ODF4: variants seen among roughly 807,000 people sequenced by gnomAD.
ODF4 encodes the protein outer dense fiber of sperm tails 4, also known as outer dense fiber protein 4.
Under a neutral mutation model 17.0 loss-of-function variants are expected in ODF4, and 11 were observed. The ratio of observed to expected loss-of-function variants is 0.65; its 90% CI spans 0.41 to 1.07. ODF4 has a LOEUF of 1.07. Ranked by LOEUF, ODF4 falls within the 50% of genes least tolerant of loss-of-function variation. The pLI, the probability that ODF4 is intolerant of heterozygous loss-of-function variation, is 0.00. For missense variants in ODF4, 281 were observed against 310.2 expected, an observed-to-expected ratio of 0.91 and a Z score of 0.71; for synonymous variants, 127 against 121.8, an observed-to-expected ratio of 1.04 and a Z score of -0.28.
chr17:8,340,500 G>C lies in ODF4; in HGVS notation c.449G>C (p.Gly150Ala). 1 of 1,604,172 alleles carries C rather than the reference G, an allele frequency of 6.2e-7. No individual in the cohort carries two copies. The highest frequency in any genetic ancestry group is 2.2e-5 in the East Asian group (1 of 44,848). ...KSRSCSDLEN[G>A]KVTFIFSTLM... ...AGGAGCTGTTCTGACTTAGAGAATG[G>C]GAAAGGTGAGCCCCTCCACCCCCCA... Residue 150 changes from glycine to alanine, a missense_variant, in exon 1 of 3, where the codon GGG becomes GCG. Transcript: ENST00000328248.
Position 8,345,056 on chromosome 17 carries a change from C to T in ODF4, c.455-287C>T. On this transcript the variant is annotated intron_variant, in intron 1 of 2. Transcript: ENST00000328248. The surrounding 1 kb of genome is among the most constrained non-coding windows in gnomAD (Gnocchi z 4.1). Reference sequence around the variant, plus strand: ...GCTTCTGTGAAGGTGCCTCCTAGCTCTGGAAAGGTCCTTTGTTTTCCTAAC... The same window carrying T: ...GCTTCTGTGAAGGTGCCTCCTAGCTTTGGAAAGGTCCTTTGTTTTCCTAAC... 1 of 1,085,146 alleles carries T rather than the reference C, an allele frequency of 9.2e-7. No homozygotes were observed. Among genetic ancestry groups the T allele is most frequent in the Non-Finnish European group, 1.2e-6 (1 of 868,070 alleles). The allele number at this position is 1,085,146 out of a possible 1,614,324, so 67.2% of individuals were successfully genotyped here.
At position 8,343,850 on chromosome 17, in the gene ODF4, C is replaced by CTA. The variant is rs1441272929; in HGVS notation, c.455-1482_455-1481dup. Among the ~76,000 whole-genome samples the CTA allele has an allele frequency of 1.1e-4, 11 of 101,214 alleles. 3 individuals are homozygous for CTA. The highest frequency in any genetic ancestry group is 3.1e-4 in the South Asian group (1 of 3,256). 66.4% of individuals were successfully genotyped at this position (101,214 alleles called of 152,430 possible). ...TGTGTGTGTGTGTGTGTGTGTGTGT[C>CTA]TATATATATATAGACTGCAACCTCA... On this transcript the variant is annotated intron_variant, in intron 1 of 2. Transcript: ENST00000328248.
At chr17:8,344,753 C>A in intron 1 of ODF4, 1 of 452,958 alleles carries the variant, frequency 2.2e-6, no homozygotes, top group Non-Finnish European at 2.9e-6. Flanking sequence ...TCCCAACGTG[C>A]TAGGATTACA....
intron 1 of ODF4, among the ~76,000 whole-genome samples, chr17:8,344,306 T>TTCTTC (rs1906143128): frequency 7.8e-6 from 1 of 128,022 alleles, no homozygotes; most frequent in Non-Finnish European, 1.7e-5. Flanking sequence ...GTACTCCTTC[T>TTCTTC]TTGGAGAATT....
At position 8,345,901 on chromosome 17, in the gene ODF4, T is replaced by C; in HGVS notation, c.*49T>C. 1.3e-6 allele frequency: 2 copies of C among 1,497,422 alleles called. No individual in the cohort carries two copies. Among genetic ancestry groups the C allele is most frequent in the South Asian group, 2.3e-5 (2 of 87,060 alleles). The allele number at this position is 1,497,422 out of a possible 1,614,324, so 92.8% of individuals were successfully genotyped here. ...AGTTCTGTCCATTCATCTGACCCCA[T>C]CTCCTCATCCTCCCCCAGCCCTTGA... On this transcript the variant is annotated 3_prime_UTR_variant, in exon 3 of 3. Transcript: ENST00000328248. The surrounding 1 kb of genome is among the most constrained non-coding windows in gnomAD (Gnocchi z 4.1).
intron 1 of ODF4, among the ~76,000 whole-genome samples, chr17:8,342,243 T>TTTTA (rs58271512): frequency 0.34 from 51,993 of 151,110 alleles, 9,260 homozygotes; most frequent in African/African-American, 0.45. Flanking sequence ...GGCTTTTTAT[T>TTTTA]TTTATTTATT....
At position 8,340,524 on chromosome 17, in the gene ODF4, C is replaced by G. The variant is rs73975826; in HGVS notation, c.454+19C>G. The G allele has an allele frequency of 4.8e-5, 72 of 1,504,996 alleles. No homozygotes were observed. The highest frequency in any genetic ancestry group is 2.2e-4 in the Middle Eastern group (1 of 4,454). The allele number at this position is 1,504,996 out of a possible 1,614,324, so 93.2% of individuals were successfully genotyped here. ...GGGAAAGGTGAGCCCCTCCACCCCC[C>G]ATCCCAGCCCAGGCCGCCAGCCTGT... On this transcript the variant is annotated intron_variant, in intron 1 of 2. Coordinates refer to ENST00000328248, the MANE Select transcript of ODF4 (RefSeq NM_153007.5).
Position 8,340,453 on chromosome 17 carries a change from G to A in ODF4, c.402G>A (p.Gly134=), listed in dbSNP as rs143697684. ...IHTSAHVMSM[G]LLHFYKSRSC... is the part of the protein sequence containing the mutation. ...CATCAGCCCACGTTATGTCCATGGG[G>A]CTCCTGCACTTTTACAAATCCAGGA... Residue 134 remains glycine (G), a synonymous_variant, in exon 1 of 3, where the codon GGG becomes GGA. Coordinates refer to ENST00000328248, the MANE Select transcript of ODF4 (RefSeq NM_153007.5). 479 of 1,613,690 alleles carry A rather than the reference G, an allele frequency of 3.0e-4. 1 individual carries two copies. The highest frequency in any genetic ancestry group is 3.9e-4 in the Non-Finnish European group (460 of 1,179,918).
chr17:8,346,026 T>C lies in ODF4; in HGVS notation c.*174T>C, dbSNP rs1016911429. 5.7e-5 allele frequency: 31 copies of C among 546,872 alleles called. No individual in the cohort carries two copies. Among genetic ancestry groups the C allele is most frequent in the Non-Finnish European group, 2.6e-5 (8 of 309,052 alleles). The allele number at this position is 546,872 out of a possible 1,614,324, so 33.9% of individuals were successfully genotyped here. On this transcript the variant is annotated 3_prime_UTR_variant, in exon 3 of 3. Coordinates refer to ENST00000328248, the MANE Select transcript of ODF4 (RefSeq NM_153007.5). ...TTGAGCTTGAGTGATGTGGAATAAA[T>C]TGTCCGTCTCTTCTTTCTCATATCT...
Position 8,340,279 on chromosome 17 carries a change from C to T in ODF4, c.228C>T (p.Phe76=), listed in dbSNP as rs774275155. The T allele has an allele frequency of 1.1e-5, 18 of 1,613,970 alleles. No individual in the cohort carries two copies. Among genetic ancestry groups the T allele is most frequent in the Non-Finnish European group, 1.5e-5 (18 of 1,179,978 alleles). Residue 76 remains phenylalanine (F), a synonymous_variant, in exon 1 of 3, where the codon TTC becomes TTT. Transcript: ENST00000328248. ...LPFQWRITHS[F]RWMAQVLASE... ...TTCAATGGAGAATCACACACAGCTT[C>T]CGCTGGATGGCCCAGGTGTTGGCCT...
chr17:8,341,247 A>G (rs1172394240), intron 1 of ODF4, among the ~76,000 whole-genome samples: 1 of 152,006 alleles, frequency 6.6e-6, no homozygotes, highest in Non-Finnish European at 1.5e-5. Context: ...TCATTCATTA[A>G]TCGCCTAATT....
intron 1 of ODF4, among the ~76,000 whole-genome samples, chr17:8,341,202 A>AT (rs908637131): frequency 2.0e-5 from 3 of 152,046 alleles, no homozygotes; most frequent in African/African-American, 7.2e-5. Flanking sequence ...AAAAAAAAAA[A>AT]AAGTTACGAG....
intron 1 of ODF4, among the ~76,000 whole-genome samples, chr17:8,341,504 A>AT (rs1411175184): frequency 6.6e-6 from 1 of 151,134 alleles, no homozygotes; most frequent in African/African-American, 2.4e-5. Context: ...TGTTTCGCTG[A>AT]TTTTTTTAGA....
At position 8,340,311 on chromosome 17, in the gene ODF4, T is replaced by C. The variant is rs1339797933; in HGVS notation, c.260T>C (p.Leu87Pro). The C allele has an allele frequency of 6.2e-7, 1 of 1,613,438 alleles. No individual in the cohort carries two copies. The highest frequency in any genetic ancestry group is 8.5e-7 in the Non-Finnish European group (1 of 1,179,732). ...ATGGCCCAGGTGTTGGCCTCTGAGC[T>C]CAGCCTGGTTGCCTTTATCCTACTA... ...RWMAQVLASE[L>P]SLVAFILLLV... is the part of the protein sequence containing the mutation. Residue 87 changes from leucine (L) to proline (P), a missense_variant, in exon 1 of 3, where the codon CTC becomes CCC. Physicochemically the swap from Leu to Pro is moderately conservative, Grantham distance 98. Coordinates refer to ENST00000328248, the MANE Select transcript of ODF4 (RefSeq NM_153007.5).
intron 1 of ODF4, among the ~76,000 whole-genome samples, chr17:8,341,214 G>A (rs1360061966): frequency 1.3e-5 from 2 of 151,756 alleles, no homozygotes; most frequent in African/African-American, 4.8e-5. Flanking sequence ...AGTTACGAGG[G>A]GCATGGACTC....
intron 1 of ODF4, chr17:8,344,918 G>A (rs1906171381): frequency 3.0e-6 from 3 of 997,896 alleles, no homozygotes; most frequent in Non-Finnish European, 3.6e-6. Context: ...AGGTGGCTAA[G>A]TTAAGCTTCA....
chr17:8,344,873 G>T, intron 1 of ODF4: 2 of 987,450 alleles, frequency 2.0e-6, no homozygotes, highest in Non-Finnish European at 2.4e-6. Context: ...TTTTCCCCAG[G>T]CAGTTTTAAG....
In ODF4 at chr17:8,346,003, G is replaced by T; in HGVS notation, c.*151G>T. 4 of 592,058 alleles carry T rather than the reference G, an allele frequency of 6.8e-6. No homozygotes were observed. Among genetic ancestry groups the T allele is most frequent in the Non-Finnish European group, 1.2e-5 (4 of 338,790 alleles). 36.7% of individuals were successfully genotyped at this position (592,058 alleles called of 1,614,324 possible). Reference sequence around the variant, plus strand: ...CCTCTGCTTTCTCCCTGCCTTGATTGAGCTTGAGTGATGTGGAATAAATTG... The same window carrying T: ...CCTCTGCTTTCTCCCTGCCTTGATTTAGCTTGAGTGATGTGGAATAAATTG... On this transcript the variant is annotated 3_prime_UTR_variant, in exon 3 of 3. Transcript: ENST00000328248.
At position 8,344,951 on chromosome 17, in the gene ODF4, C is replaced by T. The variant is rs151265526; in HGVS notation, c.455-392C>T. On this transcript the variant is annotated intron_variant, in intron 1 of 2. Transcript: ENST00000328248. ...TCAACCTGACCCTGGGGCTGGGCCTCGTCCTCACCATCTGGTTGCACCTGC... is the reference window on the plus strand; with the variant it reads ...TCAACCTGACCCTGGGGCTGGGCCTTGTCCTCACCATCTGGTTGCACCTGC... 101 of 1,011,144 alleles carry T rather than the reference C, an allele frequency of 1.0e-4. No homozygotes were observed. The African/African-American group carries it at 1.4e-3, about 14-fold the overall frequency. The allele number at this position is 1,011,144 out of a possible 1,614,324, so 62.6% of individuals were successfully genotyped here.
Sources: allele counts gnomAD v4.1 joint callset (sites outside exome capture counted in the v4.1 genomes callset), GRCh38; gene constraint gnomAD v4.1.1; non-coding constraint Gnocchi (gnomAD v3.1); transcripts MANE v1.5; gene names NCBI Gene and HGNC (gene_info 2026-07-23, HGNC 2026-07-21).